ZNF462: variants seen among roughly 807,000 people sequenced by gnomAD.
The protein encoded by ZNF462 is zinc finger protein 462, also known as zinc finger PBX1-interacting protein.
ZNF462 carries 10 observed loss-of-function variants against 201.9 expected under a neutral mutation model. That is an observed-to-expected ratio of 0.05 (90% CI 0.03 to 0.08). ZNF462 has a LOEUF of 0.08. ZNF462 is among the 10% of genes least tolerant of loss of function. The pLI, the probability that ZNF462 is intolerant of heterozygous loss-of-function variation, is 1.00. For missense variants in ZNF462, 2,523 were observed against 3,168.3 expected (o/e 0.80, Z 4.89); for synonymous variants, 1,227 against 1,193.3 (o/e 1.03, Z -0.58).
intron 10 of ZNF462, among the ~76,000 whole-genome samples, chr9:107,001,185 A>T (rs964256585): frequency 6.6e-6 from 1 of 152,168 alleles, no homozygotes; most frequent in South Asian, 2.1e-4. Context: ...AAATATGTTT[A>T]AAAATTAGGC....
At position 106,917,552 on chromosome 9, in the gene ZNF462, A is replaced by C. The variant is rs893242819; in HGVS notation, c.-30-5802A>C. On this transcript the variant is annotated intron_variant, in intron 1 of 12. Transcript: ENST00000277225. The surrounding 1 kb of genome is among the most constrained non-coding windows in gnomAD (Gnocchi z 4.5). ...TATTGGGGGTTACATATGTGATTGC[A>C]AATTAATCCTTTCTCTTCTGAAAAT... is the stretch of plus-strand genomic sequence containing the variant. 6.6e-6 allele frequency among the ~76,000 whole-genome samples: 1 copy of C among 152,196 alleles called. No individual in the cohort carries two copies. Among genetic ancestry groups the C allele is most frequent in the Non-Finnish European group, 1.5e-5 (1 of 68,036 alleles).
At chr9:106,891,039 AAGTC>A (rs2131049398) in intron 1 of ZNF462, among the ~76,000 whole-genome samples, 1 of 152,342 alleles carries the variant, frequency 6.6e-6, no homozygotes, top group African/African-American at 2.4e-5. Flanking sequence ...TTTAGTAAAA[AAGTC>A]AGAGGTGGAA....
chr9:106,914,636 C>T (rs1278771003), intron 1 of ZNF462, among the ~76,000 whole-genome samples: 1 of 152,182 alleles, frequency 6.6e-6, no homozygotes, highest in Non-Finnish European at 1.5e-5. Flanking sequence ...CTGTTGAGTA[C>T]ACTGAGTGTT....
rs1029276873 is a variant in ZNF462 at position 106,981,073 on chromosome 9, T to A, written c.6833-3113T>A. 6.6e-6 allele frequency among the ~76,000 whole-genome samples: 1 copy of A among 152,230 alleles called. No individual in the cohort carries two copies. Among genetic ancestry groups the A allele is most frequent in the Non-Finnish European group, 1.5e-5 (1 of 68,036 alleles). On this transcript the variant is annotated intron_variant, in intron 9 of 12. Transcript: ENST00000277225. This position sits in a 1 kb window ranked among gnomAD's most constrained non-coding sequence, Gnocchi z 4.0. Reference sequence around the variant, plus strand: ...ATTTTTATCTTGGTCATGTTAACCATGTTTTTAGAAAGGGGAAAAAGCTAA... The same window carrying A: ...ATTTTTATCTTGGTCATGTTAACCAAGTTTTTAGAAAGGGGAAAAAGCTAA...
rs181944685 is a variant in ZNF462 at position 106,928,040 on chromosome 9, C to T, written c.4128C>T (p.Phe1376=). 5.0e-5 allele frequency: 80 copies of T among 1,614,134 alleles called. No individual in the cohort carries two copies. The Admixed American group carries it at 7.0e-4, about 14-fold the overall frequency. ...AKTYRCRDCV[F]EAVSIWDITN... ...CCTACAGATGCAGGGACTGTGTTTTCGAAGCTGTTTCCATCTGGGACATCA... is the reference window on the plus strand; with the variant it reads ...CCTACAGATGCAGGGACTGTGTTTTTGAAGCTGTTTCCATCTGGGACATCA... Residue 1376 remains phenylalanine (F), a synonymous_variant, in exon 3 of 13, where the codon TTC becomes TTT. Coordinates refer to ENST00000277225, the MANE Select transcript of ZNF462 (RefSeq NM_021224.6). This position sits in a 1 kb window ranked among gnomAD's most constrained non-coding sequence, Gnocchi z 9.3.
chr9:106,937,578 AAAG>A (rs1228102934), intron 6 of ZNF462, among the ~76,000 whole-genome samples: 3 of 152,172 alleles, frequency 2.0e-5, no homozygotes, highest in Admixed American at 1.3e-4. Flanking sequence ...TTTGGAAATG[AAAG>A]AAGAAATACA....
chr9:106,929,147 C>T lies in ZNF462; in HGVS notation c.5235C>T (p.Ile1745=), dbSNP rs748308845. 5 of 1,614,128 alleles carry T rather than the reference C, an allele frequency of 3.1e-6. No individual in the cohort carries two copies. In the East Asian group the frequency reaches 8.9e-5, roughly 29 times the overall value. Reference sequence around the variant, plus strand: ...GCGACAAGCCCAACAAAGTGATCATCCCATCCCCGCCCAAGGACGACTCCC... The same window carrying T: ...GCGACAAGCCCAACAAAGTGATCATTCCATCCCCGCCCAAGGACGACTCCC... ...TISDKPNKVI[I]PSPPKDDSPQ... The change falls in exon 3 of 13, where the codon ATC becomes ATT. Residue 1745 remains isoleucine, a synonymous_variant. Coordinates refer to ENST00000277225, the MANE Select transcript of ZNF462 (RefSeq NM_021224.6). The surrounding 1 kb of genome is among the most constrained non-coding windows in gnomAD (Gnocchi z 8.7).
rs960748153 is a variant in ZNF462 at position 106,863,338 on chromosome 9, C to A, written c.-48C>A. Reference sequence around the variant, plus strand: ...CTGGAGAACCCGAAGCACCTCCCGGCGCCGGGACGCTTCTTCTGTAAGTTA... The same window carrying A: ...CTGGAGAACCCGAAGCACCTCCCGGAGCCGGGACGCTTCTTCTGTAAGTTA... On this transcript the variant is annotated 5_prime_UTR_variant, in exon 1 of 13. Coordinates refer to ENST00000277225, the MANE Select transcript of ZNF462 (RefSeq NM_021224.6). 5.0e-6 allele frequency: 2 copies of A among 396,976 alleles called. No homozygotes were observed. The highest frequency in any genetic ancestry group is 4.4e-5 in the Admixed American group (1 of 22,642). 24.6% of individuals were successfully genotyped at this position (396,976 alleles called of 1,614,324 possible). A position where few individuals can be genotyped will look rare whatever the true frequency, so the allele number is the denominator to read the frequency against.
At chr9:106,916,567 T>C (rs1272446539) in intron 1 of ZNF462, among the ~76,000 whole-genome samples, 3 of 152,106 alleles carry the variant, frequency 2.0e-5, no homozygotes, top group Non-Finnish European at 4.4e-5. Context: ...GAGGTTTAGC[T>C]CTGGGGGGGG....
chr9:106,932,598 A>T lies in ZNF462; in HGVS notation c.6116+49A>T. The T allele has an allele frequency of 6.2e-7, 1 of 1,613,084 alleles. No individual in the cohort carries two copies. The highest frequency in any genetic ancestry group is 8.5e-7 in the Non-Finnish European group (1 of 1,179,260). On this transcript the variant is annotated intron_variant, in intron 5 of 12. Coordinates refer to ENST00000277225, the MANE Select transcript of ZNF462 (RefSeq NM_021224.6). This position sits in a 1 kb window ranked among gnomAD's most constrained non-coding sequence, Gnocchi z 6.8. Reference sequence around the variant, plus strand: ...AGTGGTTACTGGGAGATGATGTCATAGTGGAAGGCACTAAGCTAAAGCAGA... The same window carrying T: ...AGTGGTTACTGGGAGATGATGTCATTGTGGAAGGCACTAAGCTAAAGCAGA...
At chr9:106,971,704 A>T (rs1277408597) in intron 7 of ZNF462, among the ~76,000 whole-genome samples, 2 of 152,100 alleles carry the variant, frequency 1.3e-5, no homozygotes, top group Non-Finnish European at 2.9e-5. Flanking sequence ...TAATACTTGA[A>T]ATTTGTGTGG....
chr9:106,962,011 A>G lies in ZNF462; in HGVS notation c.6428-9994A>G, dbSNP rs1383595431. Among the ~76,000 whole-genome samples, 1 of 152,054 alleles carries G rather than the reference A, an allele frequency of 6.6e-6. No individual in the cohort carries two copies. Among genetic ancestry groups the G allele is most frequent in the Non-Finnish European group, 1.5e-5 (1 of 67,964 alleles). On this transcript the variant is annotated intron_variant, in intron 7 of 12. Coordinates refer to ENST00000277225, the MANE Select transcript of ZNF462 (RefSeq NM_021224.6). The surrounding 1 kb of genome is among the most constrained non-coding windows in gnomAD (Gnocchi z 4.6). ...AAACAGTGTGGGCAAGGGAGTGAGG[A>G]TCGGCCTGGAAAGATGAAGGAGAGT...
At chr9:106,951,770 C>T (rs1831359133) in intron 7 of ZNF462, among the ~76,000 whole-genome samples, 1 of 152,058 alleles carries the variant, frequency 6.6e-6, no homozygotes, top group South Asian at 2.1e-4. Context: ...TTGCTTGCCT[C>T]AGCCCCAATC....
Position 106,935,624 on chromosome 9 carries a change from G to T in ZNF462, c.6235+3G>T. The T allele has an allele frequency of 6.2e-7, 1 of 1,612,434 alleles. No homozygotes were observed. The highest frequency in any genetic ancestry group is 8.5e-7 in the Non-Finnish European group (1 of 1,178,618). The stretch of plus-strand genomic sequence containing the variant: ...ACATATACTCAAAGCTCATGCTGGT[G>T]AGTTGTGCATTGATGATGCACAAGT... On this transcript the variant is annotated splice_donor_region_variant and intron_variant, in intron 6 of 12. Transcript: ENST00000277225. This position sits in a 1 kb window ranked among gnomAD's most constrained non-coding sequence, Gnocchi z 4.1.
chr9:106,865,594 T>A lies in ZNF462; in HGVS notation c.-31+2239T>A, dbSNP rs1434419401. Among the ~76,000 whole-genome samples, 1 of 152,238 alleles carries A rather than the reference T, an allele frequency of 6.6e-6. No individual in the cohort carries two copies. The highest frequency in any genetic ancestry group is 2.4e-5 in the African/African-American group (1 of 41,462). On this transcript the variant is annotated intron_variant, in intron 1 of 12. Coordinates refer to ENST00000277225, the MANE Select transcript of ZNF462 (RefSeq NM_021224.6). The surrounding 1 kb of genome is among the most constrained non-coding windows in gnomAD (Gnocchi z 4.1). ...TTCCATTTGTATGTTAGGCCTTCTT[T>A]CAGTTTCTTTGTTTCCCCTTTCCCT... is the stretch of plus-strand genomic sequence containing the variant.
rs1424193491 is a variant in ZNF462, at chr9:106,895,446, G to A, written c.-30-27908G>A. ...CCTGGACCATCTCAGCAGCTGCTTA[G>A]CAGCCTGTTTCCCACCATCCTCTTC... On this transcript the variant is annotated intron_variant, in intron 1 of 12. Coordinates refer to ENST00000277225, the MANE Select transcript of ZNF462 (RefSeq NM_021224.6). This position sits in a 1 kb window ranked among gnomAD's most constrained non-coding sequence, Gnocchi z 4.4. 6.6e-6 allele frequency among the ~76,000 whole-genome samples: 1 copy of A among 152,144 alleles called. No individual in the cohort carries two copies. The highest frequency in any genetic ancestry group is 1.5e-5 in the Non-Finnish European group (1 of 68,032).
intron 1 of ZNF462, among the ~76,000 whole-genome samples, chr9:106,891,231 T>A (rs1172219617): frequency 6.6e-6 from 1 of 152,240 alleles, no homozygotes; most frequent in Non-Finnish European, 1.5e-5. Flanking sequence ...AGCTCATGCT[T>A]TTTGCCATTA....
At chr9:106,878,557 T>G (rs1321723960) in intron 1 of ZNF462, among the ~76,000 whole-genome samples, 1 of 152,214 alleles carries the variant, frequency 6.6e-6, no homozygotes, top group Admixed American at 6.5e-5. Flanking sequence ...ACGGCTACAG[T>G]ATGCCTAGGT....
In ZNF462 at chr9:106,932,562, G is replaced by T; in HGVS notation, c.6116+13G>T. 1.2e-6 allele frequency: 2 copies of T among 1,614,162 alleles called. No homozygotes were observed. The highest frequency in any genetic ancestry group is 1.7e-6 in the Non-Finnish European group (2 of 1,180,032). ...CTTTCAGGCACAAGTAAGTGCTATTGGGGGGTCACTAGTGGTTACTGGGAG... is the reference window on the plus strand; with the variant it reads ...CTTTCAGGCACAAGTAAGTGCTATTTGGGGGTCACTAGTGGTTACTGGGAG... On this transcript the variant is annotated intron_variant, in intron 5 of 12. Coordinates refer to ENST00000277225, the MANE Select transcript of ZNF462 (RefSeq NM_021224.6). The surrounding 1 kb of genome is among the most constrained non-coding windows in gnomAD (Gnocchi z 6.8).
Sources: allele counts gnomAD v4.1 joint callset (sites outside exome capture counted in the v4.1 genomes callset), GRCh38; gene constraint gnomAD v4.1.1; non-coding constraint Gnocchi (gnomAD v3.1); transcripts MANE v1.5; gene names NCBI Gene and HGNC (gene_info 2026-07-23, HGNC 2026-07-21).